BPGM: variants seen among roughly 807,000 people sequenced by gnomAD.
BPGM encodes the protein bisphosphoglycerate mutase, also known as 2,3-bisphosphoglycerate mutase, erythrocyte.
In BPGM, 15 loss-of-function variants were observed where a neutral mutation model predicts 21.6. The observed-to-expected ratio is 0.70, with a 90% CI of 0.47 to 1.07. The LOEUF (loss-of-function observed/expected upper bound fraction) is 1.07. Ranked by LOEUF, BPGM falls within the 50% of genes least tolerant of loss-of-function variation. BPGM has a pLI of 0.00. For synonymous variants in BPGM, 113 were observed against 116.2 expected (o/e 0.97, Z 0.18); for missense variants, 273 against 319.0 (o/e 0.86, Z 1.10).
chr7:134,662,087 G>C lies in BPGM; in HGVS notation c.580G>C (p.Ala194Pro). Residue 194 changes from alanine (A) to proline (P), a missense_variant, in exon 2 of 3, where the codon GCA becomes CCA. Transcript: ENST00000344924. ...ATCTGCTCATGGAAATAGCAGTAGG[G>C]CACTCCTAAAACACCTGGAAGGTAC... ...LISAHGNSSR[A>P]LLKHLEGISD... 1 of 1,614,114 alleles carries C rather than the reference G, an allele frequency of 6.2e-7. No homozygotes were observed. Among genetic ancestry groups the C allele is most frequent in the South Asian group, 1.1e-5 (1 of 91,080 alleles).
At chr7:134,667,314 T>C (rs558568657) in intron 2 of BPGM, among the ~76,000 whole-genome samples, 1 of 152,224 alleles carries the variant, frequency 6.6e-6, no homozygotes, top group Non-Finnish European at 1.5e-5. Flanking sequence ...ATGCCCATTT[T>C]GTGGTTAATG....
At position 134,661,544 on chromosome 7, in the gene BPGM, G is replaced by A; in HGVS notation, c.37G>A (p.Glu13Lys). The A allele has an allele frequency of 6.2e-7, 1 of 1,614,090 alleles. No individual in the cohort carries two copies. The highest frequency in any genetic ancestry group is 2.2e-5 in the East Asian group (1 of 44,902). Residue 13 changes from glutamate to lysine, a missense_variant, in exon 2 of 3, where the codon GAG (glutamate) becomes AAG (lysine). Physicochemically the swap from Glu to Lys is moderately conservative, Grantham distance 56 (BLOSUM62 1). Transcript: ENST00000344924. The surrounding 1 kb of genome is among the most constrained non-coding windows in gnomAD (Gnocchi z 4.6). Reference sequence around the variant, plus strand: ...CAAACTTATTATGTTAAGACATGGAGAGGGTGCTTGGAATAAGGAGAACCG... The same window carrying A: ...CAAACTTATTATGTTAAGACATGGAAAGGGTGCTTGGAATAAGGAGAACCG... Reference protein sequence around the residue: ...KYKLIMLRHGEGAWNKENRFC... With the variant: ...KYKLIMLRHGKGAWNKENRFC...
chr7:134,657,186 A>G (rs976661987), intron 1 of BPGM, among the ~76,000 whole-genome samples: 1 of 152,212 alleles, frequency 6.6e-6, no homozygotes, highest in African/African-American at 2.4e-5. Context: ...GCCTCGCATT[A>G]TATCTTGATT....
At chr7:134,677,702 C>A (rs765444586) in intron 2 of BPGM, among the ~76,000 whole-genome samples, 3 of 152,176 alleles carry the variant, frequency 2.0e-5, no homozygotes, top group Non-Finnish European at 2.9e-5. Context: ...TAATATAGAA[C>A]AGGAAGCATA....
At chr7:134,677,176 T>C (rs927096118) in intron 2 of BPGM, among the ~76,000 whole-genome samples, 1 of 152,228 alleles carries the variant, frequency 6.6e-6, no homozygotes, top group Non-Finnish European at 1.5e-5. Context: ...CCTTTGTTCA[T>C]GTATGTTCTC....
chr7:134,676,244 A>G (rs1392605970), intron 2 of BPGM, among the ~76,000 whole-genome samples: 1 of 152,226 alleles, frequency 6.6e-6, no homozygotes, highest in Non-Finnish European at 1.5e-5. Flanking sequence ...ATTCTACAAT[A>G]AAGTCCTAGG....
chr7:134,674,122 A>T (rs545016845), intron 2 of BPGM, among the ~76,000 whole-genome samples: 6 of 152,146 alleles, frequency 3.9e-5, no homozygotes, highest in African/African-American at 1.4e-4. Context: ...CATGTTGCCC[A>T]GGCTGGTCTT....
intron 2 of BPGM, among the ~76,000 whole-genome samples, chr7:134,664,640 A>G (rs998799982): frequency 1.3e-5 from 2 of 152,212 alleles, no homozygotes; most frequent in African/African-American, 4.8e-5. Context: ...TCCACACAAC[A>G]ACTTGTACCT....
intron 1 of BPGM, among the ~76,000 whole-genome samples, chr7:134,652,045 A>G (rs727338): frequency 0.58 from 88,786 of 152,050 alleles, 26,927 homozygotes; most frequent in East Asian, 0.89. Flanking sequence ...ATTCCTAAAT[A>G]ATTTAGTTAA....
At chr7:134,647,791 CTTTTATT>C (rs925041232) in intron 1 of BPGM, among the ~76,000 whole-genome samples, 1 of 152,072 alleles carries the variant, frequency 6.6e-6, no homozygotes, top group African/African-American at 2.4e-5. Context: ...GTCAATTTGT[CTTTTATT>C]TTTTATTTTT....
chr7:134,662,156 T>C, intron 2 of BPGM, 48 bp downstream of exon 2: 1 of 1,611,020 alleles, frequency 6.2e-7, no homozygotes, highest in South Asian at 1.1e-5. Context: ...GTGTGATATC[T>C]AGGCCTTAAT....
chr7:134,649,471 T>C (rs958898882), intron 1 of BPGM, among the ~76,000 whole-genome samples: 1 of 152,210 alleles, frequency 6.6e-6, no homozygotes. Flanking sequence ...TAAATTCACC[T>C]GGCCTTCATC....
chr7:134,661,882 C>T lies in BPGM; in HGVS notation c.375C>T (p.Pro125=). 6.2e-7 allele frequency: 1 copy of T among 1,608,638 alleles called. No homozygotes were observed. The highest frequency in any genetic ancestry group is 1.1e-5 in the South Asian group (1 of 90,678). Residue 125 remains proline, a synonymous_variant, in exon 2 of 3, where the codon CCC becomes CCT. Transcript: ENST00000344924. The surrounding 1 kb of genome is among the most constrained non-coding windows in gnomAD (Gnocchi z 4.6). ...GAAGCTACAATGTAACCCCGCCTCCCATTGAGGAGTCTCATCCTTACTACC... is the reference window on the plus strand; with the variant it reads ...GAAGCTACAATGTAACCCCGCCTCCTATTGAGGAGTCTCATCCTTACTACC... ...WRRSYNVTPP[P]IEESHPYYQE...
intron 2 of BPGM, among the ~76,000 whole-genome samples, chr7:134,672,598 A>G (rs1453512386): frequency 6.6e-6 from 1 of 152,170 alleles, no homozygotes; most frequent in Admixed American, 6.5e-5. Flanking sequence ...TTCCCTTTTC[A>G]GCCAACCCTG....
At chr7:134,648,285 G>GC in intron 1 of BPGM, among the ~76,000 whole-genome samples, 1 of 150,960 alleles carries the variant, frequency 6.6e-6, no homozygotes, top group Admixed American at 6.6e-5. Flanking sequence ...ACAGGCATGC[G>GC]CCCCCACGCC....
intron 1 of BPGM, among the ~76,000 whole-genome samples, chr7:134,656,521 C>T (rs1396368995): frequency 1.2e-4 from 19 of 152,142 alleles, no homozygotes; most frequent in Non-Finnish European, 1.5e-5. Context: ...CTGGAGAGGC[C>T]TCAGGAAACT....
intron 2 of BPGM, 103 bp downstream of exon 2, chr7:134,662,211 C>G: frequency 6.9e-7 from 1 of 1,443,210 alleles, no homozygotes; most frequent in South Asian, 1.2e-5. Context: ...ATAGACTCCT[C>G]TATCCCCCTT....
In BPGM at chr7:134,653,991, C is replaced by A. The variant is rs574200765; in HGVS notation, c.-62+7054C>A. 1.3e-4 allele frequency among the ~76,000 whole-genome samples: 20 copies of A among 152,260 alleles called. No homozygotes were observed. The South Asian group carries it at 3.9e-3, about 30-fold the overall frequency. On this transcript the variant is annotated intron_variant, in intron 1 of 2. Coordinates refer to ENST00000344924, the MANE Select transcript of BPGM (RefSeq NM_001724.5). ...AATTCCTTTACTTTTTTCTGTAAAT[C>A]TAAACCTTGCCTTTCCAAATCCAGC...
chr7:134,673,657 A>G (rs1273940080), intron 2 of BPGM, among the ~76,000 whole-genome samples: 1 of 152,074 alleles, frequency 6.6e-6, no homozygotes, highest in Non-Finnish European at 1.5e-5. Context: ...CATTCCCTTT[A>G]CCAGTCGTGG....
Sources: allele counts gnomAD v4.1 joint callset (sites outside exome capture counted in the v4.1 genomes callset), GRCh38; gene constraint gnomAD v4.1.1; non-coding constraint Gnocchi (gnomAD v3.1); transcripts MANE v1.5; gene names NCBI Gene and HGNC (gene_info 2026-07-23, HGNC 2026-07-21).